NF2: variants seen among roughly 807,000 people sequenced by gnomAD.
The protein encoded by NF2 is NF2, moesin-ezrin-radixin like (MERLIN) tumor suppressor, also known as merlin.
NF2 carries 8 observed loss-of-function variants against 83.7 expected under a neutral mutation model. The ratio of observed to expected loss-of-function variants is 0.10; its 90% CI spans 0.06 to 0.17. NF2 has a LOEUF of 0.17. NF2 is among the 10% of genes least tolerant of loss of function. The probability of loss-of-function intolerance (pLI) is 1.00; values close to 1 mark genes in which losing one functional copy is unlikely to be tolerated. For missense variants in NF2, 533 were observed against 744.4 expected, an observed-to-expected ratio of 0.72 and a Z score of 3.31; for synonymous variants, 266 against 269.6, an observed-to-expected ratio of 0.99 and a Z score of 0.13.
rs1050029141 is a variant in NF2, at chr22:29,697,447, T to C, written c.*2645T>C. 1 of 188,766 alleles carries C rather than the reference T, an allele frequency of 5.3e-6. No individual in the cohort carries two copies. The highest frequency in any genetic ancestry group is 1.1e-5 in the Non-Finnish European group (1 of 89,704). The allele number at this position is 188,766 out of a possible 1,614,324, so 11.7% of individuals were successfully genotyped here. A position where few individuals can be genotyped will look rare whatever the true frequency, so the allele number is the denominator to read the frequency against. ...GAATACTGAGGTGCCTCCCCACAGA[T>C]GGAGAAGGTGGAGAGGAGGATGGGC... is the stretch of plus-strand genomic sequence containing the variant. On this transcript the variant is annotated 3_prime_UTR_variant, in exon 16 of 16. Transcript: ENST00000338641.
At chr22:29,680,268 C>G (rs531069592) in intron 14 of NF2, among the ~76,000 whole-genome samples, 1 of 152,142 alleles carries the variant, frequency 6.6e-6, no homozygotes. Context: ...CATGCTATCA[C>G]GCCCAGCTAA....
At chr22:29,655,716 C>CTT (rs36029478) in intron 6 of NF2, 40 bp downstream of exon 6, 322 of 1,182,446 alleles carry the variant, frequency 2.7e-4, no homozygotes, top group Non-Finnish European at 3.3e-4. Flanking sequence ...CCTTTATGGG[C>CTT]TTTTTTTTTT....
chr22:29,694,657 G>C lies in NF2; in HGVS notation c.1738-95G>C. On this transcript the variant is annotated intron_variant, in intron 15 of 15. Transcript: ENST00000338641. The surrounding 1 kb of genome is among the most constrained non-coding windows in gnomAD (Gnocchi z 4.1). ...TGAACAGCCTTCCCTTTCGCTCCCA[G>C]CCACCTTTGAGGTGAGTCCAAGTGG... The C allele has an allele frequency of 7.5e-7, 1 of 1,338,994 alleles. No individual in the cohort carries two copies. Among genetic ancestry groups the C allele is most frequent in the Non-Finnish European group, 1.1e-6 (1 of 946,704 alleles). 82.9% of individuals were successfully genotyped at this position (1,338,994 alleles called of 1,614,324 possible). A position where few individuals can be genotyped will look rare whatever the true frequency, so the allele number is the denominator to read the frequency against.
intron 1 of NF2, among the ~76,000 whole-genome samples, chr22:29,622,953 C>CT (rs779748755): frequency 0.058 from 5,457 of 94,638 alleles, 504 homozygotes; most frequent in African/African-American, 0.11. Context: ...CGTGCCCGGC[C>CT]TTTTTTTTTT....
chr22:29,660,889 A>G (rs1029057166), intron 7 of NF2, among the ~76,000 whole-genome samples: 1 of 152,160 alleles, frequency 6.6e-6, no homozygotes, highest in Non-Finnish European at 1.5e-5. Context: ...CTTTAATTCT[A>G]TACCTATGAT....
At chr22:29,611,787 G>A (rs1375905307) in intron 1 of NF2, among the ~76,000 whole-genome samples, 6 of 152,042 alleles carry the variant, frequency 3.9e-5, no homozygotes, top group African/African-American at 7.2e-5. Context: ...AGTTTAGTAA[G>A]GTTATAGGAT....
intron 14 of NF2, among the ~76,000 whole-genome samples, chr22:29,680,677 G>A (rs1362359325): frequency 6.6e-6 from 1 of 152,148 alleles, no homozygotes; most frequent in Non-Finnish European, 1.5e-5. Flanking sequence ...CTTGCGTTGG[G>A]TGAGCTTCTG....
At chr22:29,640,766 G>A (rs1053358794) in intron 3 of NF2, among the ~76,000 whole-genome samples, 1 of 43,610 alleles carries the variant, frequency 2.3e-5, no homozygotes, top group African/African-American at 6.8e-5. Flanking sequence ...AGGTCTGGGG[G>A]GCGTGTGTGT....
chr22:29,680,001 C>T (rs1042352022), intron 14 of NF2, among the ~76,000 whole-genome samples: 3 of 152,160 alleles, frequency 2.0e-5, no homozygotes, highest in African/African-American at 4.8e-5. Flanking sequence ...CTTTTTGCTG[C>T]ATGCTCACCC....
chr22:29,686,844 T>C (rs2067282411), intron 15 of NF2, among the ~76,000 whole-genome samples: 1 of 152,190 alleles, frequency 6.6e-6, no homozygotes, highest in African/African-American at 2.4e-5. Context: ...CTGGGGAACC[T>C]GGAATTGTTT....
Position 29,609,003 on chromosome 22 carries a change from C to G in NF2, c.114+4891C>G, listed in dbSNP as rs1285223188. ...TAGACTCTGGGGTCGATTATCTCCA[C>G]CGGAATGTAATGGATGAACATGCAT... On this transcript the variant is annotated intron_variant, in intron 1 of 15. Coordinates refer to ENST00000338641, the MANE Select transcript of NF2 (RefSeq NM_000268.4). 3.1e-5 allele frequency: 21 copies of G among 672,482 alleles called. No individual in the cohort carries two copies. In the Admixed American group the frequency reaches 3.7e-4, roughly 12 times the overall value. 41.7% of individuals were successfully genotyped at this position (672,482 alleles called of 1,614,324 possible). A position where few individuals can be genotyped will look rare whatever the true frequency, so the allele number is the denominator to read the frequency against.
chr22:29,639,238 G>T (rs1321905740), intron 3 of NF2, 26 bp downstream of exon 3: 1 of 1,613,738 alleles, frequency 6.2e-7, no homozygotes, highest in South Asian at 1.1e-5. Flanking sequence ...CTACCCCCCA[G>T]TTCTGAGAGA....
intron 4 of NF2, among the ~76,000 whole-genome samples, chr22:29,648,326 C>T (rs1171992050): frequency 6.6e-6 from 1 of 151,898 alleles, no homozygotes; most frequent in African/African-American, 2.4e-5. Flanking sequence ...CAAGAATGGT[C>T]ATAAATACAA....
chr22:29,646,071 A>G (rs2065974355), intron 4 of NF2, among the ~76,000 whole-genome samples: 1 of 152,238 alleles, frequency 6.6e-6, no homozygotes, highest in African/African-American at 2.4e-5. Context: ...TTACATGCCC[A>G]TAGTGTTTTC....
At chr22:29,641,448 A>G (rs1229483621) in intron 3 of NF2, among the ~76,000 whole-genome samples, 2 of 152,146 alleles carry the variant, frequency 1.3e-5, no homozygotes, top group African/African-American at 4.8e-5. Flanking sequence ...AGGCATTTTT[A>G]TGACTGAGCA....
intron 15 of NF2, among the ~76,000 whole-genome samples, chr22:29,681,899 A>AT (rs2067147518): frequency 6.6e-6 from 1 of 152,164 alleles, no homozygotes; most frequent in Admixed American, 6.6e-5. Flanking sequence ...TTTTAAGCCA[A>AT]GGGGTGTTAT....
intron 1 of NF2, among the ~76,000 whole-genome samples, chr22:29,619,381 GT>G (rs1212285637): frequency 2.8e-5 from 4 of 144,450 alleles, no homozygotes; most frequent in African/African-American, 7.6e-5. Flanking sequence ...TCTCCCATGG[GT>G]TTTTTTTGTT....
At chr22:29,650,884 T>C (rs1214150512) in intron 4 of NF2, among the ~76,000 whole-genome samples, 1 of 152,260 alleles carries the variant, frequency 6.6e-6, no homozygotes. Flanking sequence ...ATTACAGGCA[T>C]GAGCCACTGC....
At chr22:29,685,593 TG>T (rs142976686) in intron 15 of NF2, among the ~76,000 whole-genome samples, 4,976 of 150,966 alleles carry the variant, frequency 0.033, 92 homozygotes, top group Non-Finnish European at 0.047. Flanking sequence ...TTTTTATTTT[TG>T]TAAAGATGGG....
Sources: allele counts gnomAD v4.1 joint callset (sites outside exome capture counted in the v4.1 genomes callset), GRCh38; gene constraint gnomAD v4.1.1; non-coding constraint Gnocchi (gnomAD v3.1); transcripts MANE v1.5; gene names NCBI Gene and HGNC (gene_info 2026-07-23, HGNC 2026-07-21).